Variants in QKI observed in about 807,000 individuals in gnomAD.
The protein encoded by QKI is QKI, KH domain containing RNA binding, also known as KH domain-containing RNA-binding protein QKI.
In QKI, 10 loss-of-function variants were observed where a neutral mutation model predicts 39.0. That is an observed-to-expected ratio of 0.26 (90% confidence interval 0.16 to 0.43). The LOEUF is 0.43. QKI is among the 20% of genes least tolerant of loss of function. QKI has a pLI of 1.00. For synonymous variants in QKI, 204 were observed against 155.4 expected (o/e 1.31, Z -2.33); for missense variants, 218 against 428.0 (o/e 0.51, Z 4.33).
intron 3 of QKI, among the ~76,000 whole-genome samples, chr6:163,514,241 A>G (rs955713686): frequency 6.6e-6 from 1 of 152,146 alleles, no homozygotes; most frequent in Non-Finnish European, 1.5e-5. Context: ...CTTTTTAAGA[A>G]ATGTCTTAGA....
intron 7 of QKI, chr6:163,570,046 T>G: frequency 1.0e-6 from 1 of 986,304 alleles, no homozygotes; most frequent in South Asian, 4.7e-5. Flanking sequence ...ACTGCTAGAC[T>G]ACAGTTTAGT....
chr6:163,550,297 C>T (rs1163217783), intron 4 of QKI, among the ~76,000 whole-genome samples: 1 of 152,240 alleles, frequency 6.6e-6, no homozygotes, highest in African/African-American at 2.4e-5. Flanking sequence ...TCTTCCTCAT[C>T]TTATGAAGCC....
chr6:163,515,908 T>C (rs577189926), intron 3 of QKI, among the ~76,000 whole-genome samples: 159 of 152,318 alleles, frequency 1.0e-3, no homozygotes, highest in African/African-American at 3.8e-3. Flanking sequence ...TTATCTCAAA[T>C]CGGTCACCTC....
At chr6:163,555,787 G>A (rs527504968) in intron 4 of QKI, among the ~76,000 whole-genome samples, 1 of 152,224 alleles carries the variant, frequency 6.6e-6, no homozygotes, top group South Asian at 2.1e-4. Flanking sequence ...TAATGATTTG[G>A]AAATACACAT....
chr6:163,434,153 C>T (rs148378475), intron 1 of QKI, among the ~76,000 whole-genome samples: 10 of 152,116 alleles, frequency 6.6e-5, no homozygotes, highest in Non-Finnish European at 1.0e-4. Flanking sequence ...GCTCAAGGAG[C>T]CACACAATGG....
intron 1 of QKI, among the ~76,000 whole-genome samples, chr6:163,437,749 G>A (rs803613): frequency 0.34 from 51,636 of 151,872 alleles, 9,438 homozygotes; most frequent in African/African-American, 0.45. Context: ...TTTACATTAC[G>A]GTAATGCAAA....
intron 3 of QKI, among the ~76,000 whole-genome samples, chr6:163,510,208 T>A (rs1434403488): frequency 7.9e-6 from 1 of 126,138 alleles, no homozygotes; most frequent in Admixed American, 8.8e-5. Flanking sequence ...AGAGCAAGAC[T>A]CTATCTCAAA....
At chr6:163,566,286 T>C (rs1783359421) in intron 6 of QKI, 1 of 1,220,148 alleles carries the variant, frequency 8.2e-7, no homozygotes, top group Non-Finnish European at 1.0e-6. Context: ...TCTGTAGGCT[T>C]TAAGAATTGC....
intron 1 of QKI, among the ~76,000 whole-genome samples, chr6:163,420,204 T>C (rs1582949708): frequency 7.1e-6 from 1 of 141,582 alleles, no homozygotes; most frequent in African/African-American, 2.9e-5. Flanking sequence ...TTTTTTTTTA[T>C]GGTTTGGTTT....
chr6:163,467,761 C>CAA (rs1791875665), intron 2 of QKI, among the ~76,000 whole-genome samples: 1 of 152,216 alleles, frequency 6.6e-6, no homozygotes, highest in South Asian at 2.1e-4. Flanking sequence ...CCTCAAAACA[C>CAA]AAGACATTTT....
Position 163,573,533 on chromosome 6 carries a change from AAAG to A in QKI, c.*2826_*2828del, listed in dbSNP as rs1001329518. 7 of 152,206 alleles carry A rather than the reference AAAG, an allele frequency of 4.6e-5. No individual in the cohort carries two copies. The highest frequency in any genetic ancestry group is 1.2e-4 in the African/African-American group (5 of 41,460). The allele number at this position is 152,206 out of a possible 1,614,324, so 9.4% of individuals were successfully genotyped here. ...TATATGTATGTTATATAACATTCAA[AAAG>A]AATTTTTTTCTTGATTGAGAAAAGG... On this transcript the variant is annotated 3_prime_UTR_variant, in exon 8 of 8. Transcript: ENST00000361752.
intron 1 of QKI, among the ~76,000 whole-genome samples, chr6:163,427,585 C>T (rs1469677790): frequency 6.6e-6 from 1 of 151,814 alleles, no homozygotes; most frequent in African/African-American, 2.4e-5. Context: ...TTTTGTTGTA[C>T]TTACTGCTTC....
At chr6:163,569,934 A>C in intron 7 of QKI, 4 of 986,752 alleles carry the variant, frequency 4.1e-6, no homozygotes, top group Non-Finnish European at 4.8e-6. Flanking sequence ...ATGCAAGTGC[A>C]TTTTATAAGT....
At chr6:163,419,514 T>A (rs980007877) in intron 1 of QKI, among the ~76,000 whole-genome samples, 4 of 152,192 alleles carry the variant, frequency 2.6e-5, no homozygotes, top group African/African-American at 7.2e-5. Flanking sequence ...GATATTGCTT[T>A]TGTACACAGT....
intron 4 of QKI, among the ~76,000 whole-genome samples, chr6:163,543,672 A>G (rs527772256): frequency 3.9e-5 from 6 of 152,202 alleles, no homozygotes; most frequent in African/African-American, 1.4e-4. Context: ...GCTTTCTCTC[A>G]TATAGGCAAA....
rs186596931 is a variant in QKI at position 163,555,451 on chromosome 6, C to T, written c.547-6531C>T. On this transcript the variant is annotated intron_variant, in intron 4 of 7. Transcript: ENST00000361752. ...GCTTGAACCAGGGAGTTGGAGGTTG[C>T]AGTGAGCCAAGATCACGCCACAGCA... Among the ~76,000 whole-genome samples the T allele has an allele frequency of 3.0e-5, 4 of 132,192 alleles. No homozygotes were observed. In the East Asian group the frequency reaches 9.3e-4, roughly 31 times the overall value. 86.7% of individuals were successfully genotyped at this position (132,192 alleles called of 152,430 possible).
chr6:163,495,409 CTGTA>C (rs1778345163), intron 3 of QKI, among the ~76,000 whole-genome samples: 1 of 151,984 alleles, frequency 6.6e-6, no homozygotes, highest in South Asian at 2.1e-4. Flanking sequence ...GCGTGTGTGT[CTGTA>C]TGTATGTACA....
At position 163,566,917 on chromosome 6, in the gene QKI, A is replaced by T. The variant is rs144221599; in HGVS notation, c.1009+122A>T. 3.4e-4 allele frequency: 501 copies of T among 1,459,752 alleles called. 1 individual carries two copies. In the African/African-American group the frequency reaches 6.6e-3, roughly 19 times the overall value. 90.4% of individuals were successfully genotyped at this position (1,459,752 alleles called of 1,614,324 possible). A position where few individuals can be genotyped will look rare whatever the true frequency, so the allele number is the denominator to read the frequency against. On this transcript the variant is annotated intron_variant, in intron 7 of 7. Transcript: ENST00000361752. ...TGCACACAGTTTTTTTTCCTTTTCT[A>T]AATTTGTTTGTGATCATTGACAGAT...
intron 3 of QKI, among the ~76,000 whole-genome samples, chr6:163,511,206 A>G (rs1216990879): frequency 6.6e-6 from 1 of 152,170 alleles, no homozygotes; most frequent in Admixed American, 6.5e-5. Flanking sequence ...GAAATGCAAG[A>G]TAACAATTTA....
Sources: allele counts gnomAD v4.1 joint callset (sites outside exome capture counted in the v4.1 genomes callset), GRCh38; gene constraint gnomAD v4.1.1; transcripts MANE v1.5; gene names NCBI Gene and HGNC (gene_info 2026-07-23, HGNC 2026-07-21).